Variants in GRIK2 observed in about 807,000 individuals in gnomAD.
GRIK2 encodes the protein glutamate ionotropic receptor kainate type subunit 2.
GRIK2 carries 32 observed loss-of-function variants against 100.3 expected under a neutral mutation model. The ratio of observed to expected loss-of-function variants is 0.32; its 90% CI spans 0.24 to 0.43. GRIK2 has a LOEUF of 0.43. Among genes scored for constraint, GRIK2 ranks in the 20% least tolerant of loss-of-function variants. GRIK2 has a pLI of 1.00. For missense variants in GRIK2, 843 were observed against 1,114.9 expected (o/e 0.76, Z 3.47); for synonymous variants, 417 against 389.4 (o/e 1.07, Z -0.83).
At chr6:101,473,667 A>C (rs1016614528) in intron 2 of GRIK2, among the ~76,000 whole-genome samples, 1 of 151,816 alleles carries the variant, frequency 6.6e-6, no homozygotes, top group African/African-American at 2.4e-5. Context: ...ATAATAACTG[A>C]ATCAGTTGGT....
chr6:101,502,232 AATAC>A (rs1245078986), intron 2 of GRIK2, among the ~76,000 whole-genome samples: 1 of 152,288 alleles, frequency 6.6e-6, no homozygotes, highest in African/African-American at 2.4e-5. Context: ...GGTACCACCT[AATAC>A]ATATTGAAAG....
chr6:101,967,249 A>ATTAC (rs1365946701), intron 14 of GRIK2, among the ~76,000 whole-genome samples: 1 of 151,988 alleles, frequency 6.6e-6, no homozygotes, highest in Non-Finnish European at 1.5e-5. Context: ...CTACTTGTAT[A>ATTAC]TTACTTAACA....
intron 2 of GRIK2, among the ~76,000 whole-genome samples, chr6:101,548,640 G>T (rs1019960040): frequency 3.9e-5 from 6 of 152,092 alleles, no homozygotes; most frequent in Non-Finnish European, 5.9e-5. Context: ...TAGATATGTG[G>T]CATTATTTCT....
Position 101,794,267 on chromosome 6 carries a change from C to T in GRIK2, c.952-5381C>T, listed in dbSNP as rs185787111. ...CCCTAGTGAGATGAACCCGGTACCT[C>T]AGATGGAAATGCAGAAATCACCCCT... On this transcript the variant is annotated intron_variant, in intron 7 of 16. Coordinates refer to ENST00000369134, the MANE Select transcript of GRIK2 (RefSeq NM_021956.5). Among the ~76,000 whole-genome samples the T allele has an allele frequency of 7.6e-3, 1,158 of 152,214 alleles. 14 individuals carry two copies. The highest frequency in any genetic ancestry group is 0.027 in the African/African-American group (1,104 of 41,550).
intron 15 of GRIK2, among the ~76,000 whole-genome samples, chr6:102,038,961 TGAG>T (rs1237138768): frequency 1.3e-5 from 2 of 151,522 alleles, no homozygotes; most frequent in African/African-American, 2.4e-5. Flanking sequence ...TGTGGTTTGA[TGAG>T]GAGATTAAAA....
intron 7 of GRIK2, among the ~76,000 whole-genome samples, chr6:101,750,371 G>A (rs1414904493): frequency 2.0e-5 from 3 of 152,072 alleles, no homozygotes; most frequent in African/African-American, 4.8e-5. Context: ...TTTGTGATGT[G>A]TCCATGATGC....
intron 4 of GRIK2, among the ~76,000 whole-genome samples, chr6:101,658,038 CT>C (rs1208312141): frequency 6.6e-6 from 1 of 151,896 alleles, no homozygotes; most frequent in East Asian, 1.9e-4. Context: ...AAAGTGATCT[CT>C]TTTTTAAAAT....
intron 10 of GRIK2, among the ~76,000 whole-genome samples, chr6:101,831,833 A>T (rs906319170): frequency 2.0e-5 from 3 of 152,162 alleles, no homozygotes; most frequent in Non-Finnish European, 4.4e-5. Flanking sequence ...TAAATATATG[A>T]CCCCTTTCCA....
At chr6:101,421,263 G>A (rs1776398957) in intron 2 of GRIK2, among the ~76,000 whole-genome samples, 1 of 152,220 alleles carries the variant, frequency 6.6e-6, no homozygotes, top group African/African-American at 2.4e-5. Context: ...TCTCAGGAAA[G>A]GCTTTATTCC....
intron 15 of GRIK2, among the ~76,000 whole-genome samples, chr6:102,044,340 C>A (rs986335825): frequency 1.3e-5 from 2 of 151,906 alleles, no homozygotes; most frequent in Non-Finnish European, 2.9e-5. Context: ...GTCATGCAAT[C>A]CCTTTCTTTT....
At chr6:101,695,124 G>T (rs1429104894) in intron 7 of GRIK2, among the ~76,000 whole-genome samples, 2 of 151,996 alleles carry the variant, frequency 1.3e-5, no homozygotes, top group Non-Finnish European at 2.9e-5. Flanking sequence ...ATAAAAAACA[G>T]AAATTTATCT....
intron 2 of GRIK2, among the ~76,000 whole-genome samples, chr6:101,421,293 T>C (rs1014124466): frequency 2.6e-5 from 4 of 152,190 alleles, no homozygotes; most frequent in African/African-American, 9.6e-5. Flanking sequence ...CCTTTCTCTC[T>C]CCTGTAAGCT....
intron 14 of GRIK2, among the ~76,000 whole-genome samples, chr6:102,001,945 T>C (rs1562101579): frequency 1.3e-5 from 2 of 151,890 alleles, no homozygotes; most frequent in Non-Finnish European, 2.9e-5. Flanking sequence ...GTTTTTCGAC[T>C]CTTTACTTAC....
intron 7 of GRIK2, among the ~76,000 whole-genome samples, chr6:101,752,126 C>T (rs548793078): frequency 1.1e-3 from 165 of 152,272 alleles, no homozygotes; most frequent in Non-Finnish European, 1.9e-3. Flanking sequence ...TATCATCTTA[C>T]AACACCTTAT....
At chr6:101,972,312 G>T (rs1793101418) in intron 14 of GRIK2, among the ~76,000 whole-genome samples, 7 of 151,978 alleles carry the variant, frequency 4.6e-5, no homozygotes, top group Admixed American at 4.6e-4. Flanking sequence ...GTGTGAGATG[G>T]TATCTTATTG....
At chr6:101,479,200 T>C (rs917254519) in intron 2 of GRIK2, among the ~76,000 whole-genome samples, 4 of 152,244 alleles carry the variant, frequency 2.6e-5, no homozygotes, top group African/African-American at 9.6e-5. Context: ...CTCATTTCTT[T>C]GACGTAATTT....
chr6:101,496,193 T>C (rs1582578805), intron 2 of GRIK2, among the ~76,000 whole-genome samples: 1 of 152,210 alleles, frequency 6.6e-6, no homozygotes, highest in East Asian at 1.9e-4. Flanking sequence ...GTAATCCGCT[T>C]GTCTCAGCCT....
chr6:102,059,917 T>C (rs1358861712), intron 16 of GRIK2, among the ~76,000 whole-genome samples: 3 of 150,248 alleles, frequency 2.0e-5, no homozygotes, highest in Non-Finnish European at 3.0e-5. Flanking sequence ...TTATTGAGTT[T>C]CCTGACATAA....
Position 101,527,792 on chromosome 6 carries a change from A to G in GRIK2, c.116-94157A>G, listed in dbSNP as rs565112065. Among the ~76,000 whole-genome samples, 63 of 152,294 alleles carry G rather than the reference A, an allele frequency of 4.1e-4. 1 individual carries two copies. The South Asian group carries it at 0.012, about 30-fold the overall frequency. On this transcript the variant is annotated intron_variant, in intron 2 of 16. Coordinates refer to ENST00000369134, the MANE Select transcript of GRIK2 (RefSeq NM_021956.5). ...GAATTATCTGGAAAATAATAGGAAAATAGGTGTTCTTTTCTTATCTATCCA... is the reference window on the plus strand; with the variant it reads ...GAATTATCTGGAAAATAATAGGAAAGTAGGTGTTCTTTTCTTATCTATCCA...
Sources: gnomAD v4.1 joint callset for allele counts (sites outside exome capture counted in the v4.1 genomes callset) on GRCh38, gnomAD v4.1.1 for gene constraint, MANE v1.5 for transcripts, NCBI Gene and HGNC (gene_info 2026-07-23, HGNC 2026-07-21) for gene names.